CAB39: variants seen among roughly 807,000 people sequenced by gnomAD.
CAB39 encodes the protein calcium binding protein 39, also known as calcium-binding protein 39.
A neutral mutation model predicts 40.0 loss-of-function variants in CAB39; 8 were observed. That is an observed-to-expected ratio of 0.20 (90% CI 0.12 to 0.36). CAB39 has a LOEUF of 0.36. CAB39 is among the 10% of genes least tolerant of loss of function. The probability of loss-of-function intolerance (pLI) is 1.00; values close to 1 mark genes in which losing one functional copy is unlikely to be tolerated. For synonymous variants in CAB39, 156 were observed against 141.6 expected (o/e 1.10, Z -0.72); for missense variants, 270 against 401.1 (o/e 0.67, Z 2.79).
rs562416388 is a variant in CAB39, at chr2:230,742,397, G to A, written c.-43-17562G>A. ...TCACCGTGTTAGCCAGGATGGTCTCGATCTCCTGACCTCGTGATTCGCCCG... is the reference window on the plus strand; with the variant it reads ...TCACCGTGTTAGCCAGGATGGTCTCAATCTCCTGACCTCGTGATTCGCCCG... On this transcript the variant is annotated intron_variant, in intron 1 of 8. Transcript: ENST00000258418. Among the ~76,000 whole-genome samples the A allele has an allele frequency of 3.3e-4, 50 of 152,076 alleles. 1 individual carries two copies. The highest frequency in any genetic ancestry group is 3.4e-4 in the Non-Finnish European group (23 of 68,000).
intron 5 of CAB39, among the ~76,000 whole-genome samples, chr2:230,800,580 A>G (rs1696072326): frequency 6.6e-6 from 1 of 152,220 alleles, no homozygotes; most frequent in Admixed American, 6.5e-5. Flanking sequence ...CAGACCTGCC[A>G]TGAAGGGCGG....
chr2:230,803,923 AAG>A (rs1559616545), intron 5 of CAB39, among the ~76,000 whole-genome samples: 1 of 152,206 alleles, frequency 6.6e-6, no homozygotes, highest in African/African-American at 2.4e-5. Context: ...GGAACCAAAA[AAG>A]AGCCCGCATT....
chr2:230,725,106 G>C, intron 1 of CAB39: 1 of 1,609,430 alleles, frequency 6.2e-7, no homozygotes, highest in Admixed American at 1.7e-5. Context: ...TGCAAACTCT[G>C]GTTGAGGGCT....
intron 2 of CAB39, among the ~76,000 whole-genome samples, chr2:230,785,997 T>C (rs185304215): frequency 2.1e-4 from 32 of 151,524 alleles, no homozygotes; most frequent in African/African-American, 7.7e-4. Context: ...ACCCCGTCTC[T>C]ACTAAAAGTA....
chr2:230,771,101 CT>C (rs1695474959), intron 2 of CAB39, among the ~76,000 whole-genome samples: 1 of 150,334 alleles, frequency 6.7e-6, no homozygotes, highest in African/African-American at 2.5e-5. Flanking sequence ...AGCAGTAAAA[CT>C]TTTGATTTGT....
At chr2:230,810,487 T>G (rs1267267398) in intron 6 of CAB39, among the ~76,000 whole-genome samples, 165 bp downstream of exon 6, 1 of 152,276 alleles carries the variant, frequency 6.6e-6, no homozygotes, top group Non-Finnish European at 1.5e-5. Flanking sequence ...AGAATATTAC[T>G]TGGTCAGAAG....
chr2:230,815,884 T>C (rs1696391534), intron 7 of CAB39, among the ~76,000 whole-genome samples: 1 of 151,750 alleles, frequency 6.6e-6, no homozygotes, highest in South Asian at 2.1e-4. Flanking sequence ...TTGTACTCTC[T>C]TTTTCGTAGC....
chr2:230,773,818 C>T (rs1029079242), intron 2 of CAB39, among the ~76,000 whole-genome samples: 3 of 152,066 alleles, frequency 2.0e-5, no homozygotes, highest in Admixed American at 2.0e-4. Flanking sequence ...GGAAATAAAA[C>T]AAGAAGTCCA....
At chr2:230,748,824 A>T (rs1695023168) in intron 1 of CAB39, among the ~76,000 whole-genome samples, 1 of 72,384 alleles carries the variant, frequency 1.4e-5, no homozygotes, top group East Asian at 3.5e-4. Context: ...AAAAAAAAAA[A>T]AAAAAAAATA....
At chr2:230,728,367 T>G (rs892527209) in intron 1 of CAB39, among the ~76,000 whole-genome samples, 2 of 148,750 alleles carry the variant, frequency 1.3e-5, no homozygotes, top group Admixed American at 6.7e-5. Flanking sequence ...AAATTTATCT[T>G]TTTTTTTTTT....
intron 2 of CAB39, among the ~76,000 whole-genome samples, chr2:230,771,503 A>G (rs1414894143): frequency 6.6e-6 from 1 of 152,194 alleles, no homozygotes; most frequent in Non-Finnish European, 1.5e-5. Flanking sequence ...CAGGAGATAC[A>G]TGTTGTTCAT....
Position 230,818,782 on chromosome 2 carries a change from C to G in CAB39, c.*78C>G. On this transcript the variant is annotated 3_prime_UTR_variant, in exon 9 of 9. Transcript: ENST00000258418. ...TCAGCATCAGGCACTCTTATTGATT[C>G]ATGAGGAACATTACTGCTAATCTGC... The G allele has an allele frequency of 9.1e-7, 1 of 1,093,722 alleles. No individual in the cohort carries two copies. Among genetic ancestry groups the G allele is most frequent in the South Asian group, 1.5e-5 (1 of 67,912 alleles). The allele number at this position is 1,093,722 out of a possible 1,614,324, so 67.8% of individuals were successfully genotyped here.
At chr2:230,792,631 T>C (rs1332435998) in intron 3 of CAB39, among the ~76,000 whole-genome samples, 1 of 152,256 alleles carries the variant, frequency 6.6e-6, no homozygotes, top group Non-Finnish European at 1.5e-5. Context: ...ATCTCTGAAC[T>C]ACTGTATCAT....
intron 6 of CAB39, among the ~76,000 whole-genome samples, chr2:230,811,854 A>G (rs1244944347): frequency 6.6e-6 from 1 of 152,222 alleles, no homozygotes; most frequent in Admixed American, 6.5e-5. Flanking sequence ...TTTCCAAGAC[A>G]TTTGCTACAG....
intron 1 of CAB39, among the ~76,000 whole-genome samples, chr2:230,720,025 C>T (rs1212962844): frequency 6.6e-6 from 1 of 152,150 alleles, no homozygotes; most frequent in Non-Finnish European, 1.5e-5. Flanking sequence ...TACCTTTGTG[C>T]TTATGAATAA....
At chr2:230,805,033 G>A (rs906787509) in intron 5 of CAB39, among the ~76,000 whole-genome samples, 7 of 152,092 alleles carry the variant, frequency 4.6e-5, no homozygotes, top group African/African-American at 1.7e-4. Flanking sequence ...TTGAGAAAAT[G>A]TGGCACATAT....
At chr2:230,813,826 C>G (rs1696347056) in intron 6 of CAB39, among the ~76,000 whole-genome samples, 1 of 151,944 alleles carries the variant, frequency 6.6e-6, no homozygotes, top group South Asian at 2.1e-4. Context: ...GAGCCCTCTT[C>G]ATGGAAGGGA....
intron 5 of CAB39, among the ~76,000 whole-genome samples, chr2:230,807,082 A>G (rs1473987321): frequency 1.2e-4 from 19 of 152,154 alleles, no homozygotes; most frequent in Non-Finnish European, 1.5e-5. Flanking sequence ...ATGGAAGATG[A>G]GGAATCCTTT....
chr2:230,796,103 G>A (rs1273940780), intron 4 of CAB39, among the ~76,000 whole-genome samples: 1 of 152,156 alleles, frequency 6.6e-6, no homozygotes, highest in Non-Finnish European at 1.5e-5. Flanking sequence ...GGCGTAGGAT[G>A]ACCATCTTGC....
Sources: allele counts gnomAD v4.1 joint callset (sites outside exome capture counted in the v4.1 genomes callset), GRCh38; gene constraint gnomAD v4.1.1; transcripts MANE v1.5; gene names NCBI Gene and HGNC (gene_info 2026-07-23, HGNC 2026-07-21).